Variants in FUT9 observed in about 807,000 individuals in gnomAD.
FUT9 encodes fucosyltransferase 9.
In FUT9, 15 loss-of-function variants were observed where a neutral mutation model predicts 29.7. The observed-to-expected ratio is 0.51, with a 90% confidence interval of 0.34 to 0.78. FUT9 has a LOEUF of 0.78. Among genes scored for constraint, FUT9 ranks in the 30% least tolerant of loss-of-function variants. The pLI, the probability that FUT9 is intolerant of heterozygous loss-of-function variation, is 0.01. For synonymous variants in FUT9, 169 were observed against 153.7 expected (o/e 1.10, Z -0.74); for missense variants, 319 against 425.4 (o/e 0.75, Z 2.20).
At chr6:96,081,377 A>T (rs1169215039) in intron 1 of FUT9, among the ~76,000 whole-genome samples, 1 of 151,664 alleles carries the variant, frequency 6.6e-6, no homozygotes, top group Non-Finnish European at 1.5e-5. Context: ...ATTTTTCTTA[A>T]ATGAAGTAGT....
intron 1 of FUT9, among the ~76,000 whole-genome samples, chr6:96,028,138 C>A (rs1770199048): frequency 6.6e-6 from 1 of 151,228 alleles, no homozygotes; most frequent in Non-Finnish European, 1.5e-5. Flanking sequence ...AGATATCAAA[C>A]AACAGAAAAA....
At chr6:96,189,738 T>G (rs1195954875) in intron 2 of FUT9, among the ~76,000 whole-genome samples, 1 of 152,140 alleles carries the variant, frequency 6.6e-6, no homozygotes, top group Non-Finnish European at 1.5e-5. Context: ...CCCCTGCCTT[T>G]TTTTGTTTTC....
At chr6:96,161,965 G>A (rs564644364) in intron 2 of FUT9, among the ~76,000 whole-genome samples, 1 of 152,234 alleles carries the variant, frequency 6.6e-6, no homozygotes, top group Non-Finnish European at 1.5e-5. Flanking sequence ...TCTGTGTCCA[G>A]TCTACTGATG....
chr6:96,040,689 A>C (rs1196736432), intron 1 of FUT9, among the ~76,000 whole-genome samples: 3 of 151,966 alleles, frequency 2.0e-5, no homozygotes, highest in Non-Finnish European at 4.4e-5. Context: ...AGGGGAATCT[A>C]TGTAAAAAGG....
At chr6:96,115,950 G>C (rs1771903216) in intron 2 of FUT9, among the ~76,000 whole-genome samples, 1 of 151,768 alleles carries the variant, frequency 6.6e-6, no homozygotes, top group Non-Finnish European at 1.5e-5. Flanking sequence ...ATTACAATGA[G>C]TAAATCAATA....
At chr6:96,137,120 A>G (rs1772362359) in intron 2 of FUT9, among the ~76,000 whole-genome samples, 1 of 152,010 alleles carries the variant, frequency 6.6e-6, no homozygotes. Flanking sequence ...AATTCCAGGC[A>G]TATTATGAGG....
intron 1 of FUT9, among the ~76,000 whole-genome samples, chr6:96,028,607 T>C (rs1013049551): frequency 6.6e-6 from 1 of 151,598 alleles, no homozygotes. Context: ...AAATGTTACA[T>C]CTTCTCCATA....
intron 1 of FUT9, among the ~76,000 whole-genome samples, 186 bp from the exon 2 acceptor site, chr6:96,113,853 C>CAAAA (rs11316093): frequency 8.0e-6 from 1 of 124,766 alleles, no homozygotes; most frequent in Non-Finnish European, 1.7e-5. Context: ...GACTCCATCT[C>CAAAA]AAAAAAAAAA....
At chr6:96,172,148 T>C (rs947738311) in intron 2 of FUT9, among the ~76,000 whole-genome samples, 4 of 152,104 alleles carry the variant, frequency 2.6e-5, no homozygotes, top group Non-Finnish European at 2.9e-5. Flanking sequence ...CCTGGGATCC[T>C]TATCACAAGG....
intron 2 of FUT9, among the ~76,000 whole-genome samples, chr6:96,176,944 C>A (rs1275300437): frequency 6.6e-6 from 1 of 152,132 alleles, no homozygotes; most frequent in Admixed American, 6.6e-5. Context: ...TCCCCTCTGA[C>A]AAGCTTTCCA....
chr6:96,066,755 C>A (rs1770967813), intron 1 of FUT9, among the ~76,000 whole-genome samples: 1 of 152,024 alleles, frequency 6.6e-6, no homozygotes, highest in African/African-American at 2.4e-5. Context: ...ATTTCCAGAA[C>A]TACTTGGGAA....
At chr6:96,083,691 A>G (rs1771273837) in intron 1 of FUT9, among the ~76,000 whole-genome samples, 1 of 152,062 alleles carries the variant, frequency 6.6e-6, no homozygotes. Flanking sequence ...CTCTTGAGTT[A>G]CCATTTATTG....
At chr6:96,033,090 T>A (rs75155952) in intron 1 of FUT9, among the ~76,000 whole-genome samples, 1,552 of 151,674 alleles carry the variant, frequency 0.01, 12 homozygotes, top group Non-Finnish European at 0.017. Context: ...CAATGAGAGT[T>A]GAAATTCTGT....
chr6:96,147,231 G>A (rs1205608730), intron 2 of FUT9, among the ~76,000 whole-genome samples: 4 of 146,788 alleles, frequency 2.7e-5, no homozygotes, highest in African/African-American at 5.0e-5. Flanking sequence ...GCCTGATTTC[G>A]GCTCACTGCA....
chr6:96,184,548 T>TA (rs1773370226), intron 2 of FUT9, among the ~76,000 whole-genome samples: 1 of 151,906 alleles, frequency 6.6e-6, no homozygotes, highest in Non-Finnish European at 1.5e-5. Flanking sequence ...ACCTTAGATT[T>TA]ACTGTTTGTG....
chr6:96,107,274 C>T (rs1321654176), intron 1 of FUT9, among the ~76,000 whole-genome samples: 1 of 152,188 alleles, frequency 6.6e-6, no homozygotes, highest in Non-Finnish European at 1.5e-5. Context: ...GTAGGAACAA[C>T]AGCCTTAGCC....
chr6:96,017,692 T>C (rs1770003040), intron 1 of FUT9, among the ~76,000 whole-genome samples: 1 of 152,170 alleles, frequency 6.6e-6, no homozygotes, highest in South Asian at 2.1e-4. Flanking sequence ...AAATAAATGT[T>C]AGGAACTTTA....
intron 2 of FUT9, among the ~76,000 whole-genome samples, chr6:96,146,267 A>C (rs1440301488): frequency 6.6e-6 from 1 of 152,174 alleles, no homozygotes; most frequent in Non-Finnish European, 1.5e-5. Context: ...GCTTTGTAAA[A>C]ATGATCTAAG....
intron 2 of FUT9, among the ~76,000 whole-genome samples, chr6:96,155,247 G>A (rs1772757832): frequency 6.6e-6 from 1 of 152,162 alleles, no homozygotes; most frequent in African/African-American, 2.4e-5. Context: ...AAAACGCTCA[G>A]TGTCAAAAGA....
Sources: gnomAD v4.1 joint callset for allele counts (sites outside exome capture counted in the v4.1 genomes callset) on GRCh38, gnomAD v4.1.1 for gene constraint, MANE v1.5 for transcripts, NCBI Gene and HGNC (gene_info 2026-07-23, HGNC 2026-07-21) for gene names.